Variants in STAC observed in about 807,000 individuals in gnomAD.
STAC encodes the protein SH3 and cysteine rich domain, also known as SH3 and cysteine-rich domain-containing protein.
Under a neutral mutation model 48.8 loss-of-function variants are expected in STAC, and 43 were observed. That is an observed-to-expected ratio of 0.88 (90% CI 0.69 to 1.14). The LOEUF (loss-of-function observed/expected upper bound fraction) is 1.14, where lower values mean the gene tolerates loss of function less well. Ranked by LOEUF, STAC falls within the 50% of genes most tolerant of loss-of-function variation. The pLI is 0.00. For synonymous variants in STAC, 193 were observed against 179.5 expected, an observed-to-expected ratio of 1.07 and a Z score of -0.60; for missense variants, 497 against 504.0, an observed-to-expected ratio of 0.99 and a Z score of 0.13.
intron 1 of STAC, among the ~76,000 whole-genome samples, chr3:36,432,051 C>A (rs1700718405): frequency 6.6e-6 from 1 of 152,194 alleles, no homozygotes. Context: ...AACAATCATC[C>A]TGTATTGTTA....
intron 6 of STAC, among the ~76,000 whole-genome samples, chr3:36,500,777 A>C (rs2125711047): frequency 6.6e-6 from 1 of 152,282 alleles, no homozygotes; most frequent in African/African-American, 2.4e-5. Flanking sequence ...ATAATTTGTA[A>C]AATAAAAACA....
intron 1 of STAC, among the ~76,000 whole-genome samples, chr3:36,428,554 T>C (rs1461917930): frequency 6.6e-6 from 1 of 152,176 alleles, no homozygotes; most frequent in African/African-American, 2.4e-5. Context: ...ATAAGTGCTC[T>C]GAAGAGGAAA....
intron 8 of STAC, among the ~76,000 whole-genome samples, chr3:36,514,906 T>C (rs187293960): frequency 1.3e-5 from 2 of 151,856 alleles, no homozygotes; most frequent in Non-Finnish European, 2.9e-5. Context: ...GGCATGGTGG[T>C]GTGTGCCTGT....
rs142552025 is a variant in STAC, at chr3:36,468,750, ATGTGTG to A, written c.389-14224_389-14219del. On this transcript the variant is annotated intron_variant, in intron 2 of 10. Coordinates refer to ENST00000273183, the MANE Select transcript of STAC (RefSeq NM_003149.3). ...ATGTATATATATATAAAATACATATATGTGTGTGTGTGTGTGTGTGTGTTTGTGTGT... is the reference window on the plus strand; with the variant it reads ...ATGTATATATATATAAAATACATATATGTGTGTGTGTGTGTGTTTGTGTGT... Among the ~76,000 whole-genome samples, 8 of 145,524 alleles carry A rather than the reference ATGTGTG, an allele frequency of 5.5e-5. No homozygotes were observed. In the East Asian group the frequency reaches 5.9e-4, roughly 11 times the overall value.
intron 2 of STAC, among the ~76,000 whole-genome samples, chr3:36,454,433 A>T (rs572571613): frequency 2.6e-5 from 4 of 152,268 alleles, no homozygotes; most frequent in African/African-American, 9.6e-5. Flanking sequence ...AACACATCCG[A>T]ACATCAGAAG....
chr3:36,455,867 C>T (rs923449734), intron 2 of STAC, among the ~76,000 whole-genome samples: 3 of 152,056 alleles, frequency 2.0e-5, no homozygotes, highest in Non-Finnish European at 2.9e-5. Context: ...TTCTCCATAG[C>T]TTATCAAACA....
chr3:36,488,899 A>G (rs967587487), intron 5 of STAC, among the ~76,000 whole-genome samples: 2 of 152,134 alleles, frequency 1.3e-5, no homozygotes, highest in African/African-American at 4.8e-5. Context: ...ATGTCAGAAC[A>G]ACGATGCCCA....
At chr3:36,502,229 T>G (rs1363530874) in intron 6 of STAC, among the ~76,000 whole-genome samples, 1 of 152,214 alleles carries the variant, frequency 6.6e-6, no homozygotes, top group African/African-American at 2.4e-5. Flanking sequence ...ACATATTCTT[T>G]GAATTCTTGT....
intron 1 of STAC, among the ~76,000 whole-genome samples, chr3:36,410,297 G>A (rs916908903): frequency 6.6e-6 from 1 of 152,130 alleles, no homozygotes; most frequent in Non-Finnish European, 1.5e-5. Flanking sequence ...TGTGTTTCGT[G>A]GGTATGTGTG....
intron 1 of STAC, among the ~76,000 whole-genome samples, chr3:36,388,938 T>G (rs537580338): frequency 1.3e-5 from 2 of 152,324 alleles, no homozygotes; most frequent in African/African-American, 4.8e-5. Context: ...AGTACCCTCT[T>G]GGAAGTTTTA....
chr3:36,449,273 T>C (rs1696615174), intron 2 of STAC, among the ~76,000 whole-genome samples: 1 of 152,208 alleles, frequency 6.6e-6, no homozygotes, highest in African/African-American at 2.4e-5. Flanking sequence ...AACCCAGGTG[T>C]TCTCAGTGGA....
chr3:36,464,363 GTTGT>G (rs1438250881), intron 2 of STAC, among the ~76,000 whole-genome samples: 4 of 152,152 alleles, frequency 2.6e-5, no homozygotes, highest in African/African-American at 4.8e-5. Context: ...TTTTGATGGG[GTTGT>G]TTGTTTTTTT....
intron 6 of STAC, 135 bp downstream of exon 6, chr3:36,493,364 G>T: frequency 1.4e-6 from 1 of 713,688 alleles, no homozygotes. Context: ...CAATGTTCTG[G>T]AGAGAATGTG....
At chr3:36,417,807 C>A (rs1236096784) in intron 1 of STAC, among the ~76,000 whole-genome samples, 1 of 152,108 alleles carries the variant, frequency 6.6e-6, no homozygotes, top group African/African-American at 2.4e-5. Context: ...GAGAAACTTG[C>A]CCATAAAAAA....
intron 10 of STAC, among the ~76,000 whole-genome samples, chr3:36,543,024 T>A (rs1316798490): frequency 6.6e-6 from 1 of 152,190 alleles, no homozygotes; most frequent in African/African-American, 2.4e-5. Context: ...GCTAGGGAGA[T>A]CAACTGTTCA....
chr3:36,380,564 T>C lies in STAC; in HGVS notation c.-80T>C. 7 of 1,185,876 alleles carry C rather than the reference T, an allele frequency of 5.9e-6. No individual in the cohort carries two copies. Among genetic ancestry groups the C allele is most frequent in the Non-Finnish European group, 8.5e-6 (7 of 820,428 alleles). 73.5% of individuals were successfully genotyped at this position (1,185,876 alleles called of 1,614,324 possible). ...CCCCAGGACCCGGAGCTGAGCAGCC[T>C]GGCGCGCGGCGGGCAGGGCGCGCAG... is the stretch of plus-strand genomic sequence containing the variant. On this transcript the variant is annotated 5_prime_UTR_variant, in exon 1 of 11. Coordinates refer to ENST00000273183, the MANE Select transcript of STAC (RefSeq NM_003149.3).
intron 8 of STAC, among the ~76,000 whole-genome samples, chr3:36,515,637 A>G (rs1251229014): frequency 2.6e-5 from 4 of 152,204 alleles, no homozygotes; most frequent in African/African-American, 9.7e-5. Flanking sequence ...TCTGGTGTTC[A>G]GCAGTAAATC....
chr3:36,508,615 T>G (rs1225471342), intron 8 of STAC, among the ~76,000 whole-genome samples: 1 of 152,184 alleles, frequency 6.6e-6, no homozygotes, highest in Non-Finnish European at 1.5e-5. Flanking sequence ...ACATATTGGG[T>G]GCATATATAT....
intron 8 of STAC, among the ~76,000 whole-genome samples, chr3:36,518,988 G>A (rs11713421): frequency 6.6e-6 from 1 of 152,096 alleles, no homozygotes; most frequent in Non-Finnish European, 1.5e-5. Flanking sequence ...AGGTAGCCCA[G>A]GTAACTTACA....
Sources: allele counts gnomAD v4.1 joint callset (sites outside exome capture counted in the v4.1 genomes callset), GRCh38; gene constraint gnomAD v4.1.1; transcripts MANE v1.5; gene names NCBI Gene and HGNC (gene_info 2026-07-23, HGNC 2026-07-21).